REG4: variants seen among roughly 807,000 people sequenced by gnomAD.
REG4 encodes regenerating family member 4.
A neutral mutation model predicts 22.3 loss-of-function variants in REG4; 16 were observed. The ratio of observed to expected loss-of-function variants is 0.72; its 90% confidence interval spans 0.49 to 1.09. The LOEUF is 1.09. Ranked by LOEUF, REG4 falls within the 50% of genes least tolerant of loss-of-function variation. The pLI, the probability that REG4 is intolerant of heterozygous loss-of-function variation, is 0.00. For missense variants in REG4, 214 were observed against 193.9 expected (o/e 1.10, Z -0.61); for synonymous variants, 71 against 69.2 (o/e 1.03, Z -0.13).
At chr1:119,794,726 A>G (rs1448386597) in intron 5 of REG4, 41 bp from the exon 6 acceptor site, 4 of 1,543,988 alleles carry the variant, frequency 2.6e-6, no homozygotes, top group South Asian at 2.2e-5. Flanking sequence ...ATTCAGTACT[A>G]TACTGAGCTT....
At chr1:119,795,468 G>A (rs1358336142) in intron 5 of REG4, among the ~76,000 whole-genome samples, 4 of 152,222 alleles carry the variant, frequency 2.6e-5, no homozygotes, top group African/African-American at 4.8e-5. Flanking sequence ...AGCCCAAGGC[G>A]GAGGTGGCCT....
At chr1:119,797,329 A>G (rs1653963084) in intron 5 of REG4, among the ~76,000 whole-genome samples, 1 of 152,168 alleles carries the variant, frequency 6.6e-6, no homozygotes, top group Admixed American at 6.5e-5. Context: ...CTGGTCTGTG[A>G]AAATCCCCTC....
chr1:119,795,681 G>C (rs187098214), intron 5 of REG4, among the ~76,000 whole-genome samples: 56 of 152,282 alleles, frequency 3.7e-4, no homozygotes, highest in African/African-American at 1.3e-3. Flanking sequence ...GGGAGAGGAG[G>C]GGGTGAGGTG....
In REG4 at chr1:119,794,363, G is replaced by C. The variant is rs745444027; in HGVS notation, c.*255C>G. 24 of 599,680 alleles carry C rather than the reference G, an allele frequency of 4.0e-5. No homozygotes were observed. Among genetic ancestry groups the C allele is most frequent in the Non-Finnish European group, 7.1e-5 (23 of 324,368 alleles). The allele number at this position is 599,680 out of a possible 1,614,324, so 37.1% of individuals were successfully genotyped here. A position where few individuals can be genotyped will look rare whatever the true frequency, so the allele number is the denominator to read the frequency against. ...AGATGCACTCTTCTAGACTGCTCGA[G>C]ACAGCCAGAGACAGGGGAGGAGGGA... On this transcript the variant is annotated 3_prime_UTR_variant, in exon 6 of 6. Coordinates refer to ENST00000256585, the MANE Select transcript of REG4 (RefSeq NM_032044.4).
chr1:119,802,698 C>T, intron 3 of REG4: 1 of 1,425,604 alleles, frequency 7.0e-7, no homozygotes, highest in Non-Finnish European at 9.1e-7. Context: ...ACACCACTCT[C>T]TTTCTGGTAA....
chr1:119,798,375 A>G (rs910360953), intron 5 of REG4, 122 bp downstream of exon 5: 4 of 741,268 alleles, frequency 5.4e-6, no homozygotes, highest in African/African-American at 5.1e-5. Flanking sequence ...CTTGCTGGAG[A>G]AAAGAGTTGT....
chr1:119,803,258 G>T, intron 2 of REG4, 93 bp from the exon 3 acceptor site: 1 of 1,313,062 alleles, frequency 7.6e-7, no homozygotes, highest in Non-Finnish European at 1.0e-6. Context: ...CCCCTTGAAT[G>T]AAGAGAGTCC....
rs1653869846 is a variant in REG4 at position 119,794,474 on chromosome 1, A to G, written c.*144T>C. On this transcript the variant is annotated 3_prime_UTR_variant, in exon 6 of 6. Transcript: ENST00000256585. ...GCCAATGCTAAAGTTTCTGTCTCTAAGCCTAAAAAAGCCAGTGTAGTAGGG... is the reference window on the plus strand; with the variant it reads ...GCCAATGCTAAAGTTTCTGTCTCTAGGCCTAAAAAAGCCAGTGTAGTAGGG... 3 of 753,972 alleles carry G rather than the reference A, an allele frequency of 4.0e-6. No individual in the cohort carries two copies. Among genetic ancestry groups the G allele is most frequent in the Non-Finnish European group, 4.7e-6 (2 of 428,932 alleles). 46.7% of individuals were successfully genotyped at this position (753,972 alleles called of 1,614,324 possible). A position where few individuals can be genotyped will look rare whatever the true frequency, so the allele number is the denominator to read the frequency against.
At chr1:119,803,260 A>C in intron 2 of REG4, 95 bp from the exon 3 acceptor site, 2 of 1,305,742 alleles carry the variant, frequency 1.5e-6, no homozygotes, top group South Asian at 3.5e-5. Flanking sequence ...CCTTGAATGA[A>C]GAGAGTCCCT....
chr1:119,799,632 G>C, intron 4 of REG4, 93 bp downstream of exon 4: 1 of 1,499,424 alleles, frequency 6.7e-7, no homozygotes, highest in Non-Finnish European at 9.1e-7. Flanking sequence ...TCCACCCGCT[G>C]TGTCCTTGTT....
chr1:119,799,648 C>T, intron 4 of REG4, 77 bp downstream of exon 4: 2 of 1,559,716 alleles, frequency 1.3e-6, no homozygotes, highest in South Asian at 2.4e-5. Flanking sequence ...TTGTTATAGG[C>T]CGGGAGGCCA....
At position 119,794,396 on chromosome 1, in the gene REG4, T is replaced by C. The variant is rs587696315; in HGVS notation, c.*222A>G. 5 of 625,152 alleles carry C rather than the reference T, an allele frequency of 8.0e-6. No individual in the cohort carries two copies. The highest frequency in any genetic ancestry group is 7.5e-5 in the South Asian group (4 of 53,644). 38.7% of individuals were successfully genotyped at this position (625,152 alleles called of 1,614,324 possible). A position where few individuals can be genotyped will look rare whatever the true frequency, so the allele number is the denominator to read the frequency against. ...GAGACAGGGGAGGAGGGAAGAAGGA[T>C]ACTGTGGAAAGGGATGGCGGGGCAA... On this transcript the variant is annotated 3_prime_UTR_variant, in exon 6 of 6. Coordinates refer to ENST00000256585, the MANE Select transcript of REG4 (RefSeq NM_032044.4).
In REG4 at chr1:119,798,601, C is replaced by A; in HGVS notation, c.305G>T (p.Arg102Met). 6.2e-7 allele frequency: 1 copy of A among 1,613,906 alleles called. No individual in the cohort carries two copies. The highest frequency in any genetic ancestry group is 8.5e-7 in the Non-Finnish European group (1 of 1,179,772). Residue 102 changes from arginine to methionine, a missense_variant and splice_region_variant, in exon 5 of 6, where the codon AGG (arginine) becomes ATG (methionine). Arg to Met is a moderately conservative substitution (Grantham distance 91). Transcript: ENST00000256585. ...CCCATCAATCCACTGCCACTGCTGCCTCTGCAACAACAGGAGATGGAGAAG... is the reference window on the plus strand; with the variant it reads ...CCCATCAATCCACTGCCACTGCTGCATCTGCAACAACAGGAGATGGAGAAG... ...IWIGLHDPQKRQQWQWIDGAM... is the reference protein window; with the variant it reads ...IWIGLHDPQKMQQWQWIDGAM...
At chr1:119,797,832 C>A (rs1410193255) in intron 5 of REG4, among the ~76,000 whole-genome samples, 2 of 152,162 alleles carry the variant, frequency 1.3e-5, no homozygotes. Flanking sequence ...ACCAGGGATG[C>A]CGCTCAACCT....
At chr1:119,802,753 T>C (rs1200505425) in intron 3 of REG4, 2 of 1,446,964 alleles carry the variant, frequency 1.4e-6, no homozygotes. Context: ...ATTCCTCATC[T>C]TCTCTTCCTC....
intron 4 of REG4, among the ~76,000 whole-genome samples, chr1:119,798,954 T>C (rs1201152805): frequency 6.6e-6 from 1 of 152,186 alleles, no homozygotes; most frequent in Non-Finnish European, 1.5e-5. Context: ...TGGTAAAGGA[T>C]TATCTGTTTT....
At chr1:119,803,817 T>C (rs1395152727) in intron 2 of REG4, among the ~76,000 whole-genome samples, 1 of 152,104 alleles carries the variant, frequency 6.6e-6, no homozygotes, top group Non-Finnish European at 1.5e-5. Flanking sequence ...AGGTGGGCTA[T>C]GTGTCAGTAC....
intron 2 of REG4, among the ~76,000 whole-genome samples, chr1:119,803,731 T>TCCA (rs1654200582): frequency 6.6e-6 from 1 of 152,180 alleles, no homozygotes; most frequent in Admixed American, 6.5e-5. Context: ...TTTGGAGCAT[T>TCCA]CCAAGGAGGG....
At chr1:119,809,092 TGCATGGAG>T (rs1654420438) in intron 1 of REG4, 1 of 213,480 alleles carries the variant, frequency 4.7e-6, no homozygotes, top group Non-Finnish European at 9.2e-6. Context: ...TTTCATAGTC[TGCATGGAG>T]GCAATTTGTA....
Sources: allele counts gnomAD v4.1 joint callset (sites outside exome capture counted in the v4.1 genomes callset), GRCh38; gene constraint gnomAD v4.1.1; transcripts MANE v1.5; gene names NCBI Gene and HGNC (gene_info 2026-07-23, HGNC 2026-07-21).